The following RSBN1L variants were observed in gnomAD, a reference collection of about 807,000 sequenced individuals.
RSBN1L encodes the protein lysine-specific demethylase RSBN1L.
RSBN1L carries 30 observed loss-of-function variants against 67.7 expected under a neutral mutation model. The ratio of observed to expected loss-of-function variants is 0.44; its 90% CI spans 0.33 to 0.60. The LOEUF (loss-of-function observed/expected upper bound fraction) is 0.60. Ranked by LOEUF, RSBN1L falls within the 20% of genes least tolerant of loss-of-function variation. RSBN1L has a pLI of 0.02. For synonymous variants in RSBN1L, 433 were observed against 387.0 expected, an observed-to-expected ratio of 1.12 and a Z score of -1.39; for missense variants, 992 against 1,031.7, an observed-to-expected ratio of 0.96 and a Z score of 0.53.
At chr7:77,767,249 G>T (rs190893897) in intron 4 of RSBN1L, among the ~76,000 whole-genome samples, 1 of 150,936 alleles carries the variant, frequency 6.6e-6, no homozygotes, top group Admixed American at 6.6e-5. Flanking sequence ...TGTTTCTAAA[G>T]AAATTTGACA....
intron 1 of RSBN1L, among the ~76,000 whole-genome samples, chr7:77,728,573 C>T (rs1017426660): frequency 6.6e-6 from 1 of 152,192 alleles, no homozygotes; most frequent in African/African-American, 2.4e-5. Context: ...CCTGATTTGG[C>T]ATCATTTTTG....
At chr7:77,708,433 G>A (rs548313147) in intron 1 of RSBN1L, among the ~76,000 whole-genome samples, 7 of 151,232 alleles carry the variant, frequency 4.6e-5, no homozygotes, top group Non-Finnish European at 1.0e-4. Flanking sequence ...CCAGGCTGGA[G>A]TGCAGTGGCA....
chr7:77,772,317 A>AC (rs1791860338), intron 5 of RSBN1L, among the ~76,000 whole-genome samples: 1 of 152,192 alleles, frequency 6.6e-6, no homozygotes, highest in Non-Finnish European at 1.5e-5. Flanking sequence ...GAGAGGAGAC[A>AC]ATTATGGGGG....
At chr7:77,725,512 G>A (rs1791190100) in intron 1 of RSBN1L, among the ~76,000 whole-genome samples, 1 of 151,952 alleles carries the variant, frequency 6.6e-6, no homozygotes, top group Admixed American at 6.6e-5. Flanking sequence ...CTCCCATAGT[G>A]CTGGGATTAC....
At position 77,702,573 on chromosome 7, in the gene RSBN1L, AG is replaced by A. The variant is rs1370277033; in HGVS notation, c.586+5520del. On this transcript the variant is annotated intron_variant, in intron 1 of 7. Transcript: ENST00000334955. ...TCTTTTCTCTGGGTGGTGGGCAAGAAGGCTTTCAGTTTCTTCAGATAGATGT... is the reference window on the plus strand; with the variant it reads ...TCTTTTCTCTGGGTGGTGGGCAAGAAGCTTTCAGTTTCTTCAGATAGATGT... Among the ~76,000 whole-genome samples, 19 of 151,980 alleles carry A rather than the reference AG, an allele frequency of 1.3e-4. 1 individual carries two copies. The highest frequency in any genetic ancestry group is 8.8e-5 in the Non-Finnish European group (6 of 67,964).
At chr7:77,738,468 T>C (rs1425882487) in intron 2 of RSBN1L, among the ~76,000 whole-genome samples, 1 of 152,152 alleles carries the variant, frequency 6.6e-6, no homozygotes, top group Non-Finnish European at 1.5e-5. Context: ...TTAGGGAAAA[T>C]GTATTCACAG....
chr7:77,721,922 G>A (rs1195601191), intron 1 of RSBN1L, among the ~76,000 whole-genome samples: 1 of 152,100 alleles, frequency 6.6e-6, no homozygotes. Flanking sequence ...GAAACTATAG[G>A]TACGGAAACC....
chr7:77,713,281 T>C (rs1790999494), intron 1 of RSBN1L, among the ~76,000 whole-genome samples: 1 of 152,160 alleles, frequency 6.6e-6, no homozygotes, highest in Non-Finnish European at 1.5e-5. Context: ...ACTTGGTCTT[T>C]CATACAGAAG....
At chr7:77,776,900 T>C (rs948824623) in intron 6 of RSBN1L, among the ~76,000 whole-genome samples, 1 of 151,984 alleles carries the variant, frequency 6.6e-6, no homozygotes, top group Non-Finnish European at 1.5e-5. Flanking sequence ...ATTATTTATA[T>C]TTAATAGAAA....
chr7:77,713,687 G>C (rs1791008133), intron 1 of RSBN1L, among the ~76,000 whole-genome samples: 1 of 149,500 alleles, frequency 6.7e-6, no homozygotes, highest in African/African-American at 2.5e-5. Flanking sequence ...TTTAAAAATA[G>C]AGACACAGTC....
chr7:77,709,702 T>C (rs1790947861), intron 1 of RSBN1L, among the ~76,000 whole-genome samples: 1 of 152,186 alleles, frequency 6.6e-6, no homozygotes, highest in South Asian at 2.1e-4. Flanking sequence ...TCCTTATTTG[T>C]CTTCTGCCAC....
At chr7:77,733,369 G>A (rs1016584364) in intron 1 of RSBN1L, among the ~76,000 whole-genome samples, 7 of 152,106 alleles carry the variant, frequency 4.6e-5, no homozygotes, top group East Asian at 1.9e-4. Context: ...CTGCAATTAC[G>A]TTGTCTATAA....
At chr7:77,697,197 G>C in intron 1 of RSBN1L, 142 bp downstream of exon 1, 1 of 935,518 alleles carries the variant, frequency 1.1e-6, no homozygotes, top group South Asian at 4.3e-5. Flanking sequence ...TTTCAGCAGA[G>C]GATTTTGCAG....
intron 2 of RSBN1L, among the ~76,000 whole-genome samples, chr7:77,736,986 T>C (rs1791346538): frequency 6.6e-6 from 1 of 152,144 alleles, no homozygotes; most frequent in South Asian, 2.1e-4. Context: ...TCAGAAGCGG[T>C]ATGTTTCTTG....
At chr7:77,722,501 A>G (rs1791133176) in intron 1 of RSBN1L, among the ~76,000 whole-genome samples, 1 of 152,082 alleles carries the variant, frequency 6.6e-6, no homozygotes. Context: ...AAGCCACTGG[A>G]TTTTTTAGCT....
At chr7:77,741,306 T>G (rs1352337662) in intron 2 of RSBN1L, among the ~76,000 whole-genome samples, 1 of 151,982 alleles carries the variant, frequency 6.6e-6, no homozygotes, top group Non-Finnish European at 1.5e-5. Flanking sequence ...CTTCTCATCT[T>G]ACACTTTTGA....
At chr7:77,776,856 G>C (rs1421643415) in intron 6 of RSBN1L, among the ~76,000 whole-genome samples, 1 of 151,330 alleles carries the variant, frequency 6.6e-6, no homozygotes. Flanking sequence ...TTTTAATCCA[G>C]TGACAATCTC....
At chr7:77,727,595 T>TC (rs1050342074) in intron 1 of RSBN1L, among the ~76,000 whole-genome samples, 1 of 152,072 alleles carries the variant, frequency 6.6e-6, no homozygotes, top group African/African-American at 2.4e-5. Context: ...TACAGGCCTG[T>TC]CCCACCTTAC....
chr7:77,767,050 C>CTTCCCCTTCCCT (rs1345268756), intron 4 of RSBN1L, among the ~76,000 whole-genome samples: 4 of 141,794 alleles, frequency 2.8e-5, no homozygotes, highest in Admixed American at 7.1e-5. Flanking sequence ...TTCCCTTCCC[C>CTTCCCCTTCCCT]TTCCCCTTCC....
Sources: allele counts gnomAD v4.1 joint callset (sites outside exome capture counted in the v4.1 genomes callset), GRCh38; gene constraint gnomAD v4.1.1; transcripts MANE v1.5; gene names NCBI Gene and HGNC (gene_info 2026-07-23, HGNC 2026-07-21).